The following SLFN5 variants were observed in gnomAD, a reference collection of about 807,000 sequenced individuals.
SLFN5 encodes schlafen family member 5.
SLFN5 carries 34 observed loss-of-function variants against 48.5 expected under a neutral mutation model. That is an observed-to-expected ratio of 0.70 (90% CI 0.53 to 0.93). The LOEUF (loss-of-function observed/expected upper bound fraction) is 0.93, where lower values mean the gene tolerates loss of function less well. Among genes scored for constraint, SLFN5 ranks in the 40% least tolerant of loss-of-function variants. The pLI is 0.00. For missense variants in SLFN5, 1,006 were observed against 1,071.3 expected (o/e 0.94, Z 0.85); for synonymous variants, 387 against 396.2 (o/e 0.98, Z 0.28).
At chr17:35,262,155 C>A (rs188695422) in intron 3 of SLFN5, among the ~76,000 whole-genome samples, 1 of 152,022 alleles carries the variant, frequency 6.6e-6, no homozygotes, top group African/African-American at 2.4e-5. Context: ...CCAATGCAGG[C>A]GGATCACAAG....
chr17:35,259,225 A>G lies in SLFN5; in HGVS notation c.535A>G (p.Lys179Glu). The G allele has an allele frequency of 1.2e-6, 2 of 1,614,122 alleles. No individual in the cohort carries two copies. Among genetic ancestry groups the G allele is most frequent in the Non-Finnish European group, 1.7e-6 (2 of 1,180,018 alleles). ...GTCAGCTGCTGCTTTATTTGATAGAAAGCGGCTTCAGTATCTGGAAAAACT... is the reference window on the plus strand; with the variant it reads ...GTCAGCTGCTGCTTTATTTGATAGAGAGCGGCTTCAGTATCTGGAAAAACT... The part of the protein sequence containing the change: ...NVSAAALFDR[K>E]RLQYLEKLNL... The change falls in exon 2 of 5, where the codon AAG becomes GAG. Residue 179 changes from lysine (K) to glutamate (E), a missense_variant. Lys to Glu is a moderately conservative substitution (Grantham distance 56). Coordinates refer to ENST00000299977, the MANE Select transcript of SLFN5 (RefSeq NM_144975.4).
At chr17:35,261,749 C>T (rs746204714) in intron 3 of SLFN5, among the ~76,000 whole-genome samples, 1 of 145,996 alleles carries the variant, frequency 6.8e-6, no homozygotes, top group Non-Finnish European at 1.5e-5. Flanking sequence ...AACTTTGGCT[C>T]ATTGCAACCT....
At position 35,264,326 on chromosome 17, in the gene SLFN5, G is replaced by A; in HGVS notation, c.1282G>A (p.Asp428Asn). The change falls in exon 4 of 5, where the codon GAT becomes AAT. Residue 428 changes from aspartate to asparagine, a missense_variant. Coordinates refer to ENST00000299977, the MANE Select transcript of SLFN5 (RefSeq NM_144975.4). Reference sequence around the variant, plus strand: ...GATTTTTTCTCAAAGCTGGGCTGTGGATTTAGGTCTGCAAGAGAAGCAGGG... The same window carrying A: ...GATTTTTTCTCAAAGCTGGGCTGTGAATTTAGGTCTGCAAGAGAAGCAGGG... ...ILIFSQSWAVDLGLQEKQGVI... is the reference protein window; with the variant it reads ...ILIFSQSWAVNLGLQEKQGVI... 6.2e-7 allele frequency: 1 copy of A among 1,614,176 alleles called. No individual in the cohort carries two copies. The highest frequency in any genetic ancestry group is 1.3e-5 in the African/African-American group (1 of 75,030).
rs748009973 is a variant in SLFN5, at chr17:35,264,341, G to C, written c.1297G>C (p.Glu433Gln). The change falls in exon 4 of 5, where the codon GAG becomes CAG. Residue 433 changes from glutamate (E) to glutamine (Q), a missense_variant. Glu to Gln is a conservative substitution (Grantham distance 29, BLOSUM62 2). Coordinates refer to ENST00000299977, the MANE Select transcript of SLFN5 (RefSeq NM_144975.4). Reference sequence around the variant, plus strand: ...CTGGGCTGTGGATTTAGGTCTGCAAGAGAAGCAGGGAGTCATCTGTGATGC... The same window carrying C: ...CTGGGCTGTGGATTTAGGTCTGCAACAGAAGCAGGGAGTCATCTGTGATGC... ...QSWAVDLGLQ[E>Q]KQGVICDALL... is the part of the protein sequence containing the mutation. 1 of 1,614,204 alleles carries C rather than the reference G, an allele frequency of 6.2e-7. No homozygotes were observed. Among genetic ancestry groups the C allele is most frequent in the Admixed American group, 1.7e-5 (1 of 60,030 alleles).
At chr17:35,257,737 G>A (rs1056078123) in intron 1 of SLFN5, among the ~76,000 whole-genome samples, 1 of 151,938 alleles carries the variant, frequency 6.6e-6, no homozygotes, top group South Asian at 2.1e-4. Context: ...GATGGAAACC[G>A]TTTGGATTAG....
intron 1 of SLFN5, among the ~76,000 whole-genome samples, chr17:35,257,401 C>G (rs1904379668): frequency 6.6e-6 from 1 of 152,214 alleles, no homozygotes; most frequent in African/African-American, 2.4e-5. Flanking sequence ...ACCTGCCATT[C>G]CAGTGGCAAT....
At chr17:35,253,691 T>G (rs2092447995) in intron 1 of SLFN5, among the ~76,000 whole-genome samples, 1 of 6,436 alleles carries the variant, frequency 1.6e-4, no homozygotes, top group Admixed American at 2.4e-3. Context: ...TAGCTAACAG[T>G]TTTTTTTTTT....
intron 1 of SLFN5, among the ~76,000 whole-genome samples, chr17:35,252,978 G>A (rs2092445816): frequency 1.3e-5 from 2 of 151,652 alleles, no homozygotes; most frequent in Non-Finnish European, 2.9e-5. Flanking sequence ...TTTAGATATT[G>A]TCTTAGTCAA....
rs772560599 is a variant in SLFN5, at chr17:35,265,441, G to A, written c.2229G>A (p.Val743=). ...CTAACCTCCCCCCTGGGTCCCTGGTGATGCTCTATGAACCTAAATGGGCTC... is the reference window on the plus strand; with the variant it reads ...CTAACCTCCCCCCTGGGTCCCTGGTAATGCTCTATGAACCTAAATGGGCTC... The part of the protein sequence containing the change: ...PPPNLPPGSL[V]MLYEPKWAQG... The change falls in exon 5 of 5, where the codon GTG becomes GTA. Residue 743 remains valine, a synonymous_variant. Coordinates refer to ENST00000299977, the MANE Select transcript of SLFN5 (RefSeq NM_144975.4). 1.2e-6 allele frequency: 2 copies of A among 1,614,224 alleles called. No individual in the cohort carries two copies. The highest frequency in any genetic ancestry group is 1.1e-5 in the South Asian group (1 of 91,082).
chr17:35,254,273 G>GAGTTTACTT (rs1217195179), intron 1 of SLFN5, among the ~76,000 whole-genome samples: 44 of 152,264 alleles, frequency 2.9e-4, no homozygotes, highest in African/African-American at 1.0e-3. Flanking sequence ...TTTACTAAGT[G>GAGTTTACTT]ATCTGTCAAT....
At chr17:35,254,222 G>C (rs982096268) in intron 1 of SLFN5, among the ~76,000 whole-genome samples, 8 of 151,960 alleles carry the variant, frequency 5.3e-5, no homozygotes, top group African/African-American at 1.7e-4. Context: ...GTCTTCCTAA[G>C]TGCCTATGAC....
At chr17:35,255,710 A>T (rs2092452552) in intron 1 of SLFN5, among the ~76,000 whole-genome samples, 1 of 152,244 alleles carries the variant, frequency 6.6e-6, no homozygotes, top group South Asian at 2.1e-4. Context: ...CCACACATAC[A>T]ACAGAGAATA....
Position 35,265,791 on chromosome 17 carries a change from A to C in SLFN5, c.2579A>C (p.Asn860Thr), listed in dbSNP as rs771125504. ...GLERNIVFGI[N>T]PGVAPPAGAY... ...GAAAGAAATATCGTGTTTGGAATCA[A>C]TCCAGGAGTAGCCCCACCGGCTGGG... The change falls in exon 5 of 5, where the codon AAT becomes ACT. Residue 860 changes from asparagine to threonine, a missense_variant. By Grantham distance (65) the Asn-to-Thr change is moderately conservative. Coordinates refer to ENST00000299977, the MANE Select transcript of SLFN5 (RefSeq NM_144975.4). The C allele has an allele frequency of 3.7e-6, 6 of 1,614,042 alleles. No individual in the cohort carries two copies. Among genetic ancestry groups the C allele is most frequent in the Non-Finnish European group, 5.1e-6 (6 of 1,180,032 alleles).
At chr17:35,255,630 T>G (rs566329718) in intron 1 of SLFN5, among the ~76,000 whole-genome samples, 2 of 152,204 alleles carry the variant, frequency 1.3e-5, no homozygotes, top group East Asian at 3.8e-4. Flanking sequence ...AAGCTTGTAC[T>G]TGTATAACAG....
chr17:35,273,502 T>C lies in SLFN5; in HGVS notation c.*7614T>C, dbSNP rs1904885669. ...TGGGATAAACCCCTCATGATCATAATGAATAATGATGTGTGGAGAGTGGGG... is the reference window on the plus strand; with the variant it reads ...TGGGATAAACCCCTCATGATCATAACGAATAATGATGTGTGGAGAGTGGGG... On this transcript the variant is annotated 3_prime_UTR_variant, in exon 5 of 5. Transcript: ENST00000299977. 1 of 152,198 alleles carries C rather than the reference T, an allele frequency of 6.6e-6. No individual in the cohort carries two copies. The highest frequency in any genetic ancestry group is 2.1e-4 in the South Asian group (1 of 4,838). 9.4% of individuals were successfully genotyped at this position (152,198 alleles called of 1,614,324 possible).
At position 35,252,131 on chromosome 17, in the gene SLFN5, TAA is replaced by T. The variant is rs1000502839; in HGVS notation, c.-40-6516_-40-6515del. On this transcript the variant is annotated intron_variant, in intron 1 of 4. Transcript: ENST00000299977. ...CTTAAATCCACATCCGTGGGAAAAC[TAA>T]AAAGACAGCTGAGCGGTGGGGCATG... 5.6e-4 allele frequency among the ~76,000 whole-genome samples: 85 copies of T among 152,228 alleles called. 1 individual carries two copies. Among genetic ancestry groups the T allele is most frequent in the African/African-American group, 2.0e-3 (84 of 41,532 alleles).
chr17:35,244,147 T>C (rs1347656975), intron 1 of SLFN5, among the ~76,000 whole-genome samples: 2 of 152,056 alleles, frequency 1.3e-5, no homozygotes, highest in African/African-American at 4.8e-5. Flanking sequence ...AAAGAAACGG[T>C]GCATCAGCAG....
Position 35,265,938 on chromosome 17 carries a change from A to G in SLFN5, c.*50A>G, listed in dbSNP as rs1363008745. 6.6e-7 allele frequency: 1 copy of G among 1,508,144 alleles called. No individual in the cohort carries two copies. Among genetic ancestry groups the G allele is most frequent in the East Asian group, 2.3e-5 (1 of 44,128 alleles). 93.4% of individuals were successfully genotyped at this position (1,508,144 alleles called of 1,614,324 possible). On this transcript the variant is annotated 3_prime_UTR_variant, in exon 5 of 5. Transcript: ENST00000299977. Reference sequence around the variant, plus strand: ...ATTAAGTGGTTCTCATCTCTAATTAACTGTGAAACCATTTAATCCAAACAT... The same window carrying G: ...ATTAAGTGGTTCTCATCTCTAATTAGCTGTGAAACCATTTAATCCAAACAT...
intron 1 of SLFN5, among the ~76,000 whole-genome samples, chr17:35,254,475 G>A (rs377536376): frequency 1.2e-3 from 178 of 152,264 alleles, no homozygotes; most frequent in African/African-American, 3.8e-3. Context: ...AAATGCAGGG[G>A]GCAGGGCAAA....
Sources: gnomAD v4.1 joint callset for allele counts (sites outside exome capture counted in the v4.1 genomes callset) on GRCh38, gnomAD v4.1.1 for gene constraint, MANE v1.5 for transcripts, NCBI Gene and HGNC (gene_info 2026-07-23, HGNC 2026-07-21) for gene names.